Variants in TENM4 observed in about 807,000 individuals in gnomAD.
The protein encoded by TENM4 is teneurin-4.
In TENM4, 82 loss-of-function variants were observed where a neutral mutation model predicts 243.3. The ratio of observed to expected loss-of-function variants is 0.34; its 90% CI spans 0.28 to 0.40. TENM4 has a LOEUF of 0.40. Among genes scored for constraint, TENM4 ranks in the 10% least tolerant of loss-of-function variants. The pLI is 1.00. For missense variants in TENM4, 3,138 were observed against 3,673.3 expected, an observed-to-expected ratio of 0.85 and a Z score of 3.77; for synonymous variants, 1,412 against 1,456.3, an observed-to-expected ratio of 0.97 and a Z score of 0.69.
intron 6 of TENM4, among the ~76,000 whole-genome samples, chr11:78,916,801 A>C (rs1245797847): frequency 6.6e-6 from 1 of 152,144 alleles, no homozygotes; most frequent in Non-Finnish European, 1.5e-5. Context: ...AGGCCCTAGC[A>C]TTGGGGTCAA....
chr11:78,989,144 T>A lies in TENM4; in HGVS notation c.493+75594A>T, dbSNP rs142149338. ...AATTTGCAACTTGTTTATTAATAAG[T>A]TAGTCCTATTGAAGGCCAAAAACAG... On this transcript the variant is annotated intron_variant, in intron 6 of 33. Transcript: ENST00000278550. 6.2e-3 allele frequency among the ~76,000 whole-genome samples: 950 copies of A among 152,330 alleles called. 12 individuals carry two copies. The highest frequency in any genetic ancestry group is 0.022 in the African/African-American group (910 of 41,564).
chr11:79,099,297 C>T (rs145667460), intron 4 of TENM4, among the ~76,000 whole-genome samples: 149 of 152,286 alleles, frequency 9.8e-4, no homozygotes, highest in African/African-American at 3.4e-3. Flanking sequence ...ACCCTCTCTC[C>T]TTTGCAGGCC....
intron 6 of TENM4, among the ~76,000 whole-genome samples, chr11:78,928,190 G>A (rs1402772003): frequency 6.6e-6 from 1 of 152,156 alleles, no homozygotes; most frequent in Non-Finnish European, 1.5e-5. Context: ...AGCCCCTGGG[G>A]GTCCCCGCTC....
intron 3 of TENM4, among the ~76,000 whole-genome samples, chr11:79,177,367 C>A (rs1334187848): frequency 6.6e-6 from 1 of 151,796 alleles, no homozygotes; most frequent in Non-Finnish European, 1.5e-5. Flanking sequence ...CCCTCCTTTC[C>A]TCTCCTTTTC....
At chr11:79,067,785 C>T (rs1203910717) in intron 5 of TENM4, 1 of 152,124 alleles carries the variant, frequency 6.6e-6, no homozygotes, top group African/African-American at 2.4e-5. Flanking sequence ...CCTTTTTGGC[C>T]TCTTTTCTGA....
chr11:78,910,726 C>T (rs148137240), intron 6 of TENM4, among the ~76,000 whole-genome samples: 3 of 152,228 alleles, frequency 2.0e-5, no homozygotes, highest in Non-Finnish European at 2.9e-5. Context: ...CACAATGTAA[C>T]CACCAGTCTG....
At chr11:78,695,163 C>G (rs1858926280) in intron 28 of TENM4, among the ~76,000 whole-genome samples, 1 of 151,058 alleles carries the variant, frequency 6.6e-6, no homozygotes, top group Non-Finnish European at 1.5e-5. Flanking sequence ...CTCTTCCTGC[C>G]TCAACCTCCT....
At chr11:79,079,847 A>AAAAT (rs1555004186) in intron 4 of TENM4, among the ~76,000 whole-genome samples, 1 of 151,704 alleles carries the variant, frequency 6.6e-6, no homozygotes, top group Non-Finnish European at 1.5e-5. Flanking sequence ...AAAAAAAAAA[A>AAAAT]AAGAAGAAAG....
intron 3 of TENM4, among the ~76,000 whole-genome samples, chr11:79,153,962 C>T (rs1862555987): frequency 6.6e-6 from 1 of 152,166 alleles, no homozygotes; most frequent in African/African-American, 2.4e-5. Flanking sequence ...ACCCCAAACT[C>T]ACTGCCTTAC....
At chr11:79,292,181 AGTCAACG>A (rs1277748543) in intron 2 of TENM4, among the ~76,000 whole-genome samples, 11 of 152,294 alleles carry the variant, frequency 7.2e-5, no homozygotes, top group Admixed American at 4.6e-4. Flanking sequence ...TGATGAAACA[AGTCAACG>A]GTCCATGAGG....
At chr11:79,151,053 G>A (rs1862500102) in intron 3 of TENM4, among the ~76,000 whole-genome samples, 4 of 152,138 alleles carry the variant, frequency 2.6e-5, no homozygotes, top group South Asian at 4.1e-4. Context: ...ATCATAGCCT[G>A]TGCTCTCAGC....
rs748190560 is a variant in TENM4, at chr11:78,701,609, G to A, written c.5004C>T (p.His1668=). 30 of 1,612,360 alleles carry A rather than the reference G, an allele frequency of 1.9e-5. No individual in the cohort carries two copies. Among genetic ancestry groups the A allele is most frequent in the South Asian group, 8.8e-5 (8 of 91,050 alleles). Residue 1668 remains histidine (H), a synonymous_variant, in exon 28 of 34, where the codon CAC becomes CAT. Transcript: ENST00000278550. ...CATGGTATGTCATCATGGCCAACTC[G>A]TGTCCTTGTGTGGTCACACTCTTGA... The part of the protein sequence containing the change: ...SALKSVTTQG[H]ELAMMTYHGN...
At position 79,045,633 on chromosome 11, in the gene TENM4, C is replaced by T. The variant is rs184459330; in HGVS notation, c.493+19105G>A. On this transcript the variant is annotated intron_variant, in intron 6 of 33. Transcript: ENST00000278550. ...AGCCCGGCTTGGAGGCAGGCAGCCA[C>T]GGACAGTTAATGAGTGATTTATTGG... Among the ~76,000 whole-genome samples, 74 of 152,084 alleles carry T rather than the reference C, an allele frequency of 4.9e-4. No individual in the cohort carries two copies. The Middle Eastern group carries it at 0.01, about 21-fold the overall frequency.
intron 6 of TENM4, among the ~76,000 whole-genome samples, chr11:79,058,955 T>C (rs543426196): frequency 6.6e-5 from 10 of 152,150 alleles, no homozygotes; most frequent in Non-Finnish European, 1.2e-4. Flanking sequence ...ATGATAGATA[T>C]TCTTATAGAT....
In TENM4 at chr11:78,929,631, G is replaced by T. The variant is rs139736582; in HGVS notation, c.494-26108C>A. ...GCTAAGGATCAGGGCCCCCGGGGGA[G>T]ATGGTAAAGAGGGAACCTGGTTATA... On this transcript the variant is annotated intron_variant, in intron 6 of 33. Transcript: ENST00000278550. Among the ~76,000 whole-genome samples, 469 of 152,286 alleles carry T rather than the reference G, an allele frequency of 3.1e-3. 2 individuals carry two copies. Among genetic ancestry groups the T allele is most frequent in the African/African-American group, 0.011 (444 of 41,570 alleles).
chr11:78,916,456 T>C (rs1856319460), intron 6 of TENM4, among the ~76,000 whole-genome samples: 1 of 152,234 alleles, frequency 6.6e-6, no homozygotes, highest in South Asian at 2.1e-4. Context: ...GGCTATAAAA[T>C]GTTTGTTGAA....
chr11:78,987,576 A>G (rs1186342854), intron 6 of TENM4, among the ~76,000 whole-genome samples: 2 of 152,270 alleles, frequency 1.3e-5, no homozygotes, highest in African/African-American at 4.8e-5. Flanking sequence ...GGAAGGATAC[A>G]TTGCAAAATA....
chr11:79,384,971 A>AATAAAATAAAATAAAATAAT (rs1257166028), intron 1 of TENM4, among the ~76,000 whole-genome samples: 2 of 151,586 alleles, frequency 1.3e-5, no homozygotes, highest in Admixed American at 6.6e-5. Flanking sequence ...AATAAAATAA[A>AATAAAATAAAATAAAATAAT]ATAAAATGGA....
chr11:79,283,798 A>G (rs1483032606), intron 2 of TENM4, among the ~76,000 whole-genome samples: 1 of 152,212 alleles, frequency 6.6e-6, no homozygotes, highest in Non-Finnish European at 1.5e-5. Context: ...ACAAGGTCTT[A>G]TATATAGAAA....
Sources: gnomAD v4.1 joint callset for allele counts (sites outside exome capture counted in the v4.1 genomes callset) on GRCh38, gnomAD v4.1.1 for gene constraint, MANE v1.5 for transcripts, NCBI Gene and HGNC (gene_info 2026-07-23, HGNC 2026-07-21) for gene names.